Variants in PECAM1 observed in about 807,000 individuals in gnomAD.
PECAM1 encodes the protein platelet and endothelial cell adhesion molecule 1.
In PECAM1, 8 loss-of-function variants were observed where a neutral mutation model predicts 13.8. That is an observed-to-expected ratio of 0.58 (90% CI 0.34 to 1.05). The LOEUF (loss-of-function observed/expected upper bound fraction) is 1.05, where lower values mean the gene tolerates loss of function less well. Among genes scored for constraint, PECAM1 ranks in the 50% least tolerant of loss-of-function variants. The probability of loss-of-function intolerance (pLI) is 0.03; values close to 1 mark genes in which losing one functional copy is unlikely to be tolerated. For missense variants in PECAM1, 304 were observed against 141.2 expected, an observed-to-expected ratio of 2.15 and a Z score of -5.84; for synonymous variants, 136 against 52.6, an observed-to-expected ratio of 2.58 and a Z score of -6.86.
At chr17:64,330,696 G>T (rs549024756) in intron 14 of PECAM1, among the ~76,000 whole-genome samples, 96 of 149,998 alleles carry the variant, frequency 6.4e-4, no homozygotes, top group African/African-American at 2.3e-3. Context: ...ACTATGGAAA[G>T]TAGGAAGTAG....
intron 2 of PECAM1, among the ~76,000 whole-genome samples, chr17:64,388,503 A>G (rs992587440): frequency 6.6e-6 from 1 of 152,122 alleles, no homozygotes; most frequent in Non-Finnish European, 1.5e-5. Context: ...TATCATCCCC[A>G]TGTTACAGAT....
intron 3 of PECAM1, among the ~76,000 whole-genome samples, chr17:64,375,786 C>G (rs1312041556): frequency 6.6e-6 from 1 of 151,878 alleles, no homozygotes; most frequent in African/African-American, 2.4e-5. Flanking sequence ...AGTGATCCCA[C>G]CACTGCACTC....
rs1320798663 is a variant in PECAM1, at chr17:64,353,444, C to T, written c.1916+47G>A. The T allele has an allele frequency of 2.6e-5, 12 of 455,278 alleles. No homozygotes were observed. In the East Asian group the frequency reaches 3.6e-4, roughly 14 times the overall value. 28.2% of individuals were successfully genotyped at this position (455,278 alleles called of 1,614,324 possible). A position where few individuals can be genotyped will look rare whatever the true frequency, so the allele number is the denominator to read the frequency against. On this transcript the variant is annotated intron_variant, in intron 10 of 15. Coordinates refer to ENST00000563924, the MANE Select transcript of PECAM1 (RefSeq NM_000442.5). ...GACCAGAATCTCCCTCCAGACATGTCCACCGTGCTCACAGAGCAGCCGCCC... is the reference window on the plus strand; with the variant it reads ...GACCAGAATCTCCCTCCAGACATGTTCACCGTGCTCACAGAGCAGCCGCCC...
intron 2 of PECAM1, among the ~76,000 whole-genome samples, chr17:64,380,868 T>C (rs1285574784): frequency 6.6e-6 from 1 of 152,098 alleles, no homozygotes; most frequent in Non-Finnish European, 1.5e-5. Flanking sequence ...GCACCTGTAA[T>C]CCCAGCTACT....
intron 14 of PECAM1, among the ~76,000 whole-genome samples, chr17:64,338,062 G>A (rs1308880250): frequency 2.6e-5 from 4 of 151,628 alleles, no homozygotes; most frequent in Non-Finnish European, 5.9e-5. Context: ...GGAACCCACA[G>A]TCTCATTCTG....
chr17:64,330,238 C>T (rs1011886702), intron 14 of PECAM1, among the ~76,000 whole-genome samples: 1 of 152,108 alleles, frequency 6.6e-6, no homozygotes, highest in Non-Finnish European at 1.5e-5. Context: ...AGGGTGGTCT[C>T]GAACTCCTGG....
intron 11 of PECAM1, among the ~76,000 whole-genome samples, chr17:64,351,793 G>A (rs1449644222): frequency 3.9e-5 from 6 of 152,278 alleles, no homozygotes; most frequent in African/African-American, 1.4e-4. Flanking sequence ...GCCCCCTCTG[G>A]GAAGTAAGTA....
chr17:64,338,287 C>G (rs2035336891), intron 14 of PECAM1, among the ~76,000 whole-genome samples: 1 of 143,384 alleles, frequency 7.0e-6, no homozygotes. Flanking sequence ...ACTGTGTTGC[C>G]CAAGCTGGTC....
chr17:64,373,876 T>G (rs1382430976), intron 4 of PECAM1, among the ~76,000 whole-genome samples: 4 of 152,182 alleles, frequency 2.6e-5, no homozygotes, highest in African/African-American at 9.6e-5. Flanking sequence ...TCTCCCGGCT[T>G]GGCAAATGAG....
chr17:64,383,849 C>T (rs1178198859), intron 2 of PECAM1, among the ~76,000 whole-genome samples: 3 of 152,252 alleles, frequency 2.0e-5, no homozygotes, highest in South Asian at 2.1e-4. Flanking sequence ...TAAACAAACT[C>T]GGCAGGGTGT....
intron 12 of PECAM1, among the ~76,000 whole-genome samples, chr17:64,349,697 C>T (rs1443643711): frequency 1.3e-5 from 2 of 151,158 alleles, no homozygotes; most frequent in South Asian, 2.1e-4. Flanking sequence ...CCAGCCTGGC[C>T]AACACAGTGA....
chr17:64,319,708 C>T lies in PECAM1; in HGVS notation c.*4108G>A, dbSNP rs2034785218. 6.6e-6 allele frequency: 1 copy of T among 152,104 alleles called. No individual in the cohort carries two copies. Among genetic ancestry groups the T allele is most frequent in the Non-Finnish European group, 1.5e-5 (1 of 68,044 alleles). 9.4% of individuals were successfully genotyped at this position (152,104 alleles called of 1,614,324 possible). ...TCACTTGAGGCATTTTTCCCCTTAC[C>T]AGTCGTGCGTTCCCAGAGGAAGGTA... On this transcript the variant is annotated 3_prime_UTR_variant, in exon 16 of 16. Transcript: ENST00000563924.
intron 2 of PECAM1, among the ~76,000 whole-genome samples, chr17:64,378,620 C>T (rs890099486): frequency 2.0e-5 from 3 of 149,066 alleles, no homozygotes; most frequent in Non-Finnish European, 3.0e-5. Flanking sequence ...CCAGCCTGGG[C>T]GACAGAGTGA....
intron 4 of PECAM1, chr17:64,370,239 A>G (rs1325304718): frequency 5.5e-6 from 2 of 366,838 alleles, no homozygotes; most frequent in Admixed American, 4.6e-5. Flanking sequence ...CTTCACTGCA[A>G]TTCTCTGGGT....
In PECAM1 at chr17:64,326,066, T is replaced by C. The variant is rs183864522; in HGVS notation, c.2188-2221A>G. Among the ~76,000 whole-genome samples, 1,051 of 152,262 alleles carry C rather than the reference T, an allele frequency of 6.9e-3. 8 individuals are homozygous for C. The highest frequency in any genetic ancestry group is 8.4e-3 in the Non-Finnish European group (573 of 68,006). On this transcript the variant is annotated intron_variant, in intron 15 of 15. Coordinates refer to ENST00000563924, the MANE Select transcript of PECAM1 (RefSeq NM_000442.5). ...GCAGTGGGGGATTCACAGAAGCAAC[T>C]CTGGAGTCAGCCTAAAGATTGGATT... is the stretch of plus-strand genomic sequence containing the variant.
At position 64,321,419 on chromosome 17, in the gene PECAM1, C is replaced by T; in HGVS notation, c.*2397G>A. The T allele has an allele frequency of 1.0e-6, 1 of 986,208 alleles. No homozygotes were observed. Among genetic ancestry groups the T allele is most frequent in the Non-Finnish European group, 1.2e-6 (1 of 830,268 alleles). 61.1% of individuals were successfully genotyped at this position (986,208 alleles called of 1,614,324 possible). A position where few individuals can be genotyped will look rare whatever the true frequency, so the allele number is the denominator to read the frequency against. ...AGAAAGATCCCTGCGCATGAAGTTT[C>T]CTCCTCGGAAATATAGGCAGAAGGG... is the stretch of plus-strand genomic sequence containing the variant. On this transcript the variant is annotated 3_prime_UTR_variant, in exon 16 of 16. Transcript: ENST00000563924.
intron 12 of PECAM1, 46 bp downstream of exon 12, chr17:64,350,334 T>A (rs1488361114): frequency 2.4e-6 from 1 of 411,008 alleles, no homozygotes; most frequent in Non-Finnish European, 4.4e-6. Flanking sequence ...GTCTTTTTTT[T>A]AATGTAAAAG....
At chr17:64,327,526 G>A (rs542697850) in intron 15 of PECAM1, among the ~76,000 whole-genome samples, 6 of 152,278 alleles carry the variant, frequency 3.9e-5, no homozygotes, top group African/African-American at 7.2e-5. Context: ...CCTCCAGGAA[G>A]GGGGGAGGCG....
chr17:64,364,250 C>T (rs1250467282), intron 5 of PECAM1, among the ~76,000 whole-genome samples: 2 of 152,138 alleles, frequency 1.3e-5, no homozygotes, highest in Non-Finnish European at 2.9e-5. Flanking sequence ...CCTCAACACA[C>T]ACACTCTCCC....
Sources: gnomAD v4.1 joint callset for allele counts (sites outside exome capture counted in the v4.1 genomes callset) on GRCh38, gnomAD v4.1.1 for gene constraint, MANE v1.5 for transcripts, NCBI Gene and HGNC (gene_info 2026-07-23, HGNC 2026-07-21) for gene names.